The following ANAPC15 variants were observed in gnomAD, a reference collection of about 807,000 sequenced individuals.
ANAPC15 encodes the protein anaphase promoting complex subunit 15.
A neutral mutation model predicts 19.8 loss-of-function variants in ANAPC15; 13 were observed. That is an observed-to-expected ratio of 0.66 (90% CI 0.43 to 1.04). The LOEUF (loss-of-function observed/expected upper bound fraction) is 1.04, where lower values mean the gene tolerates loss of function less well. Among genes scored for constraint, ANAPC15 ranks in the 50% least tolerant of loss-of-function variants. The pLI is 0.00. For missense variants in ANAPC15, 88 were observed against 150.3 expected, an observed-to-expected ratio of 0.59 and a Z score of 2.17; for synonymous variants, 45 against 50.7, an observed-to-expected ratio of 0.89 and a Z score of 0.47.
chr11:72,111,765 A>C (rs1947022142), intron 1 of ANAPC15, among the ~76,000 whole-genome samples: 1 of 152,178 alleles, frequency 6.6e-6, no homozygotes, highest in African/African-American at 2.4e-5. Flanking sequence ...ACACCCACCC[A>C]GTGTCAGAAA....
downstream of ANAPC15, chr11:72,109,180 G>A (rs191758747): frequency 2.0e-3 from 1,039 of 521,432 alleles, 6 homozygotes; most frequent in South Asian, 5.6e-3. Flanking sequence ...CTGAGCTCCC[G>A]ACCCAGCTCT....
downstream of ANAPC15, chr11:72,107,641 G>C (rs1259533840): frequency 3.2e-6 from 2 of 627,792 alleles, no homozygotes; most frequent in Non-Finnish European, 5.7e-6. Flanking sequence ...CCAAGGTCCT[G>C]AATGCCAGGC....
In ANAPC15 at chr11:72,110,166, T is replaced by C. The variant is rs958620482; in HGVS notation, c.240A>G (p.Ser80=). The part of the protein sequence containing the change: ...DEDDEDSEED[S]EDDEDMQDMD... The stretch of plus-strand genomic sequence containing the variant: ...TGTCCTGCATATCCTCATCATCCTC[T>C]GAGTCCTCTTCACTATCCTCATCAT... The change falls in exon 5 of 6, where the codon TCA becomes TCG. Residue 80 remains serine, a synonymous_variant. Transcript: ENST00000227618. 2 of 1,614,214 alleles carry C rather than the reference T, an allele frequency of 1.2e-6. No individual in the cohort carries two copies. The highest frequency in any genetic ancestry group is 1.7e-6 in the Non-Finnish European group (2 of 1,180,034).
chr11:72,107,892 T>G, downstream of ANAPC15: 2 of 1,551,068 alleles, frequency 1.3e-6, no homozygotes, highest in Non-Finnish European at 1.7e-6. Context: ...CCATCTCCCA[T>G]GTCTTCTGCA....
In ANAPC15 at chr11:72,111,507, G is replaced by T; in HGVS notation, c.-95-11C>A. On this transcript the variant is annotated splice_polypyrimidine_tract_variant and intron_variant, in intron 1 of 5. Transcript: ENST00000227618. The stretch of plus-strand genomic sequence containing the variant: ...CCTCAGTGTCTTCATCTGTAAAATG[G>T]GGATAATAACAATTATACCACTGTC... The T allele has an allele frequency of 2.2e-6, 1 of 448,144 alleles. No individual in the cohort carries two copies. The highest frequency in any genetic ancestry group is 4.1e-6 in the Non-Finnish European group (1 of 244,900). The allele number at this position is 448,144 out of a possible 1,614,324, so 27.8% of individuals were successfully genotyped here. A position where few individuals can be genotyped will look rare whatever the true frequency, so the allele number is the denominator to read the frequency against.
intron 1 of ANAPC15, 48 bp downstream of exon 1, chr11:72,112,602 A>T (rs185149863): frequency 6.7e-6 from 3 of 448,772 alleles, no homozygotes; most frequent in African/African-American, 6.1e-5. Flanking sequence ...TGGGGGAAAA[A>T]GGAATGAAGG....
At chr11:72,107,872 G>C, downstream of ANAPC15, 2 of 1,541,514 alleles carry the variant, frequency 1.3e-6, no homozygotes, top group South Asian at 1.2e-5. Context: ...TTTTATCAGG[G>C]GCCCTGCATC....
chr11:72,108,235 G>A, downstream of ANAPC15: 1 of 904,792 alleles, frequency 1.1e-6, no homozygotes, highest in Non-Finnish European at 1.6e-6. Context: ...TGGGGACTGT[G>A]ATGCTGGATG....
downstream of ANAPC15, chr11:72,107,178 G>A (rs1945770210): frequency 4.3e-6 from 2 of 470,080 alleles, no homozygotes; most frequent in Non-Finnish European, 7.5e-6. Flanking sequence ...GAGGTGGGAG[G>A]ATTGCCTGAG....
downstream of ANAPC15, chr11:72,108,910 T>A: frequency 6.5e-7 from 1 of 1,540,166 alleles, no homozygotes; most frequent in Non-Finnish European, 8.8e-7. Flanking sequence ...AGCTCACCTA[T>A]GCTGGACCAG....
At chr11:72,108,870 A>G, downstream of ANAPC15, 1 of 1,550,234 alleles carries the variant, frequency 6.5e-7, no homozygotes, top group Non-Finnish European at 8.7e-7. Context: ...GGCCTTCCAG[A>G]CTTCCCTGCC....
In ANAPC15 at chr11:72,111,189, G is replaced by C. The variant is rs779643720; in HGVS notation, c.88C>G (p.Leu30Val). 1 of 1,612,876 alleles carries C rather than the reference G, an allele frequency of 6.2e-7. No individual in the cohort carries two copies. Among genetic ancestry groups the C allele is most frequent in the Non-Finnish European group, 8.5e-7 (1 of 1,178,872 alleles). The change falls in exon 3 of 6, where the codon CTG becomes GTG. Residue 30 changes from leucine (L) to valine (V), a missense_variant. By Grantham distance (32) the Leu-to-Val change is conservative (BLOSUM62 1). Coordinates refer to ENST00000227618, the MANE Select transcript of ANAPC15 (RefSeq NM_014042.3). ...TGATGCTGCTGTTCCTGCTGCTGCAGCTCTGTCTCTTCCACACAGGGTCGA... is the reference window on the plus strand; with the variant it reads ...TGATGCTGCTGTTCCTGCTGCTGCACCTCTGTCTCTTCCACACAGGGTCGA... ...LDRPCVEETE[L>V]QQQEQQHQAW...
chr11:72,107,620 T>C, downstream of ANAPC15: 1 of 667,574 alleles, frequency 1.5e-6, no homozygotes, highest in South Asian at 1.6e-5. Context: ...AAAGGTAGGA[T>C]AGGATCAGGT....
rs1398690752 is a variant in ANAPC15 at position 72,109,702 on chromosome 11, A to T, written c.*179T>A. ...TTCAGGCCCTGGGGATTTCAAGTGC[A>T]GACTGATGGCCTGGGAGGGGCCAAA... On this transcript the variant is annotated 3_prime_UTR_variant, in exon 6 of 6. Transcript: ENST00000227618. 1.4e-6 allele frequency: 1 copy of T among 702,746 alleles called. No individual in the cohort carries two copies. Among genetic ancestry groups the T allele is most frequent in the Non-Finnish European group, 2.4e-6 (1 of 410,080 alleles). 43.5% of individuals were successfully genotyped at this position (702,746 alleles called of 1,614,324 possible).
downstream of ANAPC15, chr11:72,106,544 GTCTCCACATCTTTCC>G (rs1945707012): frequency 5.0e-6 from 1 of 201,694 alleles, no homozygotes; most frequent in Non-Finnish European, 9.9e-6. Flanking sequence ...GTAATTATCT[GTCTCCACATCTTTCC>G]TCTCCACCAT....
chr11:72,112,484 G>C (rs965241554), intron 1 of ANAPC15, 166 bp downstream of exon 1: 4 of 297,616 alleles, frequency 1.3e-5, no homozygotes, highest in African/African-American at 8.9e-5. Flanking sequence ...TGTGTGACGG[G>C]GTGGGGCTTA....
downstream of ANAPC15, chr11:72,108,072 G>A: frequency 2.6e-6 from 4 of 1,541,014 alleles, no homozygotes; most frequent in Non-Finnish European, 3.5e-6. Context: ...ACGCACGGCA[G>A]CAGTGGCTGA....
downstream of ANAPC15, chr11:72,107,096 G>A (rs557941174): frequency 1.7e-4 from 48 of 278,262 alleles, no homozygotes; most frequent in African/African-American, 7.8e-4. Context: ...CAAGACCCCC[G>A]TTTCTACAAA....
chr11:72,109,162 CA>C, downstream of ANAPC15: 1 of 549,256 alleles, frequency 1.8e-6, no homozygotes, highest in South Asian at 2.0e-5. Flanking sequence ...GGACTGACAG[CA>C]AGAAGCCTGA....
Sources: allele counts gnomAD v4.1 joint callset (sites outside exome capture counted in the v4.1 genomes callset), GRCh38; gene constraint gnomAD v4.1.1; transcripts MANE v1.5; gene names NCBI Gene and HGNC (gene_info 2026-07-23, HGNC 2026-07-21).